Variants in CSNK1G3 observed in about 807,000 individuals in gnomAD.
CSNK1G3 encodes casein kinase 1 gamma 3.
A neutral mutation model predicts 64.3 loss-of-function variants in CSNK1G3; 23 were observed. The observed-to-expected ratio is 0.36, with a 90% CI of 0.26 to 0.51. CSNK1G3 has a LOEUF of 0.51. Among genes scored for constraint, CSNK1G3 ranks in the 20% least tolerant of loss-of-function variants. The pLI is 0.96. For missense variants in CSNK1G3, 357 were observed against 510.5 expected (o/e 0.70, Z 2.90); for synonymous variants, 158 against 162.2 (o/e 0.97, Z 0.20).
intron 1 of CSNK1G3, among the ~76,000 whole-genome samples, chr5:123,526,956 A>C (rs1008873575): frequency 7.9e-5 from 12 of 151,176 alleles, no homozygotes; most frequent in African/African-American, 2.9e-4. Context: ...GTGTGTGTTT[A>C]ACTTTGTAAG....
At chr5:123,533,795 T>G (rs1780355306) in intron 1 of CSNK1G3, among the ~76,000 whole-genome samples, 1 of 151,822 alleles carries the variant, frequency 6.6e-6, no homozygotes, top group Non-Finnish European at 1.5e-5. Flanking sequence ...TATGATCTGC[T>G]TCCCCCAGAG....
At chr5:123,588,371 C>T (rs1160666308) in intron 7 of CSNK1G3, 56 bp from the exon 8 acceptor site, 4 of 1,368,848 alleles carry the variant, frequency 2.9e-6, no homozygotes, top group Middle Eastern at 3.6e-4. Flanking sequence ...GTGTGCAGTC[C>T]CAGCTAAATA....
chr5:123,598,120 GA>G (rs1385804262), intron 10 of CSNK1G3, among the ~76,000 whole-genome samples: 1 of 152,048 alleles, frequency 6.6e-6, no homozygotes, highest in Non-Finnish European at 1.5e-5. Flanking sequence ...ACGAGACTAA[GA>G]ATAATATTCA....
chr5:123,513,216 GGTTT>G (rs1237078585), intron 1 of CSNK1G3, among the ~76,000 whole-genome samples: 3 of 152,084 alleles, frequency 2.0e-5, no homozygotes, highest in South Asian at 2.1e-4. Context: ...TCATGGTGCC[GGTTT>G]GTTTGTTTAT....
chr5:123,601,050 T>G (rs775954602), intron 10 of CSNK1G3, among the ~76,000 whole-genome samples: 112 of 152,168 alleles, frequency 7.4e-4, no homozygotes, highest in Non-Finnish European at 1.4e-3. Flanking sequence ...TCAGAATATC[T>G]GTCATTTTTA....
At chr5:123,562,424 A>C (rs1393318608) in intron 4 of CSNK1G3, among the ~76,000 whole-genome samples, 5 of 152,058 alleles carry the variant, frequency 3.3e-5, no homozygotes, top group African/African-American at 1.2e-4. Context: ...AATGATTGGC[A>C]CTTGTAGGTT....
chr5:123,588,125 G>C (rs1037221530), exon 7 of CSNK1G3: 2 of 1,604,520 alleles, frequency 1.2e-6, no homozygotes, highest in South Asian at 2.2e-5. Context: ...TATTTTCTGA[G>C]AGGCAGTCTT....
intron 5 of CSNK1G3, among the ~76,000 whole-genome samples, chr5:123,574,844 C>G (rs1487612168): frequency 6.6e-6 from 1 of 151,856 alleles, no homozygotes; most frequent in Non-Finnish European, 1.5e-5. Context: ...CACAAAACAT[C>G]AAAAAACCAA....
chr5:123,611,031 TAAAAC>T (rs1197682703), intron 12 of CSNK1G3, among the ~76,000 whole-genome samples: 1 of 152,046 alleles, frequency 6.6e-6, no homozygotes, highest in African/African-American at 2.4e-5. Flanking sequence ...TACAGAAAAA[TAAAAC>T]AATAGTGTGC....
chr5:123,609,622 T>C (rs1795968531), intron 12 of CSNK1G3, among the ~76,000 whole-genome samples: 1 of 152,120 alleles, frequency 6.6e-6, no homozygotes, highest in Non-Finnish European at 1.5e-5. Flanking sequence ...TATAACTCTT[T>C]TGGGAGAGAG....
chr5:123,515,009 C>T (rs750599811), intron 1 of CSNK1G3, among the ~76,000 whole-genome samples: 9 of 152,106 alleles, frequency 5.9e-5, no homozygotes, highest in Non-Finnish European at 8.8e-5. Flanking sequence ...CTATCATTGG[C>T]ACTACTGAAG....
At chr5:123,569,303 T>G (rs1456629139) in intron 4 of CSNK1G3, among the ~76,000 whole-genome samples, 1 of 152,218 alleles carries the variant, frequency 6.6e-6, no homozygotes. Flanking sequence ...TTGTCAGTCT[T>G]GACTAATTAA....
At chr5:123,597,017 T>C (rs546612494) in intron 10 of CSNK1G3, among the ~76,000 whole-genome samples, 1 of 132,072 alleles carries the variant, frequency 7.6e-6, no homozygotes, top group South Asian at 2.3e-4. Context: ...AATTAAAACG[T>C]AATAAGAGCA....
intron 4 of CSNK1G3, among the ~76,000 whole-genome samples, chr5:123,564,789 C>T (rs1409161854): frequency 6.6e-6 from 1 of 152,112 alleles, no homozygotes; most frequent in East Asian, 1.9e-4. Flanking sequence ...TAGAATTTTA[C>T]TGCTAAATGC....
At chr5:123,518,654 T>C (rs1777586914) in intron 1 of CSNK1G3, among the ~76,000 whole-genome samples, 1 of 152,240 alleles carries the variant, frequency 6.6e-6, no homozygotes, top group Non-Finnish European at 1.5e-5. Flanking sequence ...ATGAACGTCC[T>C]AACTAGTTAT....
intron 6 of CSNK1G3, among the ~76,000 whole-genome samples, chr5:123,585,503 A>G (rs2150908519): frequency 6.6e-6 from 1 of 152,302 alleles, no homozygotes; most frequent in African/African-American, 2.4e-5. Flanking sequence ...TTTCTTTTAA[A>G]CATACTCTTA....
intron 7 of CSNK1G3, 64 bp from the exon 8 acceptor site, chr5:123,588,363 G>T: frequency 2.3e-6 from 3 of 1,297,624 alleles, no homozygotes; most frequent in Non-Finnish European, 3.4e-6. Flanking sequence ...AGGCTACCGT[G>T]TGCAGTCCCA....
intron 3 of CSNK1G3, 21 bp from the exon 4 acceptor site, chr5:123,557,470 CTTTT>C: frequency 6.3e-7 from 1 of 1,580,386 alleles, no homozygotes; most frequent in Non-Finnish European, 8.6e-7. Context: ...ACTTAAATGT[CTTTT>C]TTTGTTTGTT....
rs7715440 is a variant in CSNK1G3 at position 123,570,365 on chromosome 5, T to C, written c.290-3028T>C. Among the ~76,000 whole-genome samples the C allele has an allele frequency of 2.3e-3, 302 of 130,052 alleles. 1 individual carries two copies. Among genetic ancestry groups the C allele is most frequent in the African/African-American group, 8.1e-3 (272 of 33,412 alleles). 85.3% of individuals were successfully genotyped at this position (130,052 alleles called of 152,430 possible). On this transcript the variant is annotated intron_variant, in intron 4 of 12. Transcript: ENST00000345990. ...TCCTTTCTTTTTTTTTTTTTTTTTTTCTTTTTGAAACAGAGTCTTGCTGTG... is the reference window on the plus strand; with the variant it reads ...TCCTTTCTTTTTTTTTTTTTTTTTTCCTTTTTGAAACAGAGTCTTGCTGTG...
Sources: allele counts gnomAD v4.1 joint callset (sites outside exome capture counted in the v4.1 genomes callset), GRCh38; gene constraint gnomAD v4.1.1; transcripts MANE v1.5; gene names NCBI Gene and HGNC (gene_info 2026-07-23, HGNC 2026-07-21).